Variants in PTPRD observed in about 807,000 individuals in gnomAD.
PTPRD encodes protein tyrosine phosphatase receptor type D.
In PTPRD, 34 loss-of-function variants were observed where a neutral mutation model predicts 214.5. The observed-to-expected ratio is 0.16, with a 90% CI of 0.12 to 0.21. The LOEUF is 0.21. Ranked by LOEUF, PTPRD falls within the 10% of genes least tolerant of loss-of-function variation. The probability of loss-of-function intolerance (pLI) is 1.00; values close to 1 mark genes in which losing one functional copy is unlikely to be tolerated. For missense variants in PTPRD, 2,545 were observed against 2,398.7 expected (o/e 1.06, Z -1.27); for synonymous variants, 1,128 against 845.7 (o/e 1.33, Z -5.79).
At chr9:9,866,459 A>C (rs530404058) in intron 5 of PTPRD, among the ~76,000 whole-genome samples, 2 of 152,106 alleles carry the variant, frequency 1.3e-5, no homozygotes, top group East Asian at 3.9e-4. Flanking sequence ...TCTTAAGCAA[A>C]GGTTCTAGAT....
intron 3 of PTPRD, among the ~76,000 whole-genome samples, chr9:10,250,994 G>A (rs1006493084): frequency 1.3e-5 from 2 of 151,964 alleles, no homozygotes; most frequent in Non-Finnish European, 2.9e-5. Flanking sequence ...TGTCAGAAAT[G>A]TAATTGTTTA....
chr9:9,703,796 T>A (rs1281709405), intron 7 of PTPRD, among the ~76,000 whole-genome samples: 2 of 152,168 alleles, frequency 1.3e-5, no homozygotes, highest in African/African-American at 2.4e-5. Context: ...TGAAGTTAGT[T>A]AGAATAAAAA....
At chr9:9,751,072 T>C (rs2098513605) in intron 6 of PTPRD, among the ~76,000 whole-genome samples, 1 of 152,120 alleles carries the variant, frequency 6.6e-6, no homozygotes, top group African/African-American at 2.4e-5. Flanking sequence ...AGCAGACAGG[T>C]TCTTGAATGA....
intron 9 of PTPRD, among the ~76,000 whole-genome samples, chr9:9,343,272 T>C (rs1419039155): frequency 5.9e-5 from 9 of 152,140 alleles, no homozygotes. Context: ...GGTCAAATGG[T>C]ATTTCTGGGT....
intron 13 of PTPRD, among the ~76,000 whole-genome samples, chr9:8,633,758 T>C (rs1334287923): frequency 6.6e-6 from 1 of 152,138 alleles, no homozygotes; most frequent in Non-Finnish European, 1.5e-5. Context: ...AATTTGACTC[T>C]ATTAATTTTG....
chr9:8,947,614 T>A (rs895306213), intron 11 of PTPRD, among the ~76,000 whole-genome samples: 1 of 152,240 alleles, frequency 6.6e-6, no homozygotes, highest in African/African-American at 2.4e-5. Flanking sequence ...AGGAAATAAA[T>A]TCTTCTTAGG....
chr9:9,678,371 A>G (rs1021958891), intron 7 of PTPRD, among the ~76,000 whole-genome samples: 6 of 152,176 alleles, frequency 3.9e-5, no homozygotes, highest in Admixed American at 3.3e-4. Flanking sequence ...CAAAACAGAG[A>G]TATAGACCAA....
chr9:8,653,893 C>T (rs903296256), intron 12 of PTPRD, among the ~76,000 whole-genome samples: 4 of 152,194 alleles, frequency 2.6e-5, no homozygotes, highest in African/African-American at 9.6e-5. Context: ...CTTCGCCATG[C>T]CCTAGGAACC....
At chr9:9,053,854 T>A (rs1250430015) in intron 10 of PTPRD, among the ~76,000 whole-genome samples, 1 of 152,184 alleles carries the variant, frequency 6.6e-6, no homozygotes, top group Non-Finnish European at 1.5e-5. Context: ...TGGTACAATC[T>A]TTTGTTATGG....
chr9:10,416,984 A>T (rs12003710), intron 2 of PTPRD, among the ~76,000 whole-genome samples: 3,256 of 152,006 alleles, frequency 0.021, 123 homozygotes, highest in African/African-American at 0.074. Context: ...TAGGTTCTAA[A>T]CAACTTTTAT....
At chr9:10,324,725 C>T (rs980028829) in intron 3 of PTPRD, among the ~76,000 whole-genome samples, 1 of 151,994 alleles carries the variant, frequency 6.6e-6, no homozygotes, top group African/African-American at 2.4e-5. Context: ...AACACTCAGT[C>T]TTTTTGTATA....
intron 11 of PTPRD, among the ~76,000 whole-genome samples, chr9:9,001,145 C>A (rs893518304): frequency 6.6e-6 from 1 of 151,928 alleles, no homozygotes; most frequent in Non-Finnish European, 1.5e-5. Context: ...TTGATTCATG[C>A]ATCCATTTAT....
At chr9:9,177,695 C>G (rs1029371203) in intron 10 of PTPRD, among the ~76,000 whole-genome samples, 3 of 152,014 alleles carry the variant, frequency 2.0e-5, no homozygotes, top group Non-Finnish European at 2.9e-5. Flanking sequence ...TTAATCCTAT[C>G]AATCTTGACT....
intron 32 of PTPRD, among the ~76,000 whole-genome samples, chr9:8,462,405 A>G (rs977652451): frequency 3.3e-5 from 5 of 151,938 alleles, no homozygotes; most frequent in African/African-American, 1.2e-4. Context: ...TTCCTCTCAT[A>G]GTCTCCACTG....
chr9:9,132,038 G>C (rs557060228), intron 10 of PTPRD, among the ~76,000 whole-genome samples: 1 of 150,590 alleles, frequency 6.6e-6, no homozygotes, highest in East Asian at 1.9e-4. Flanking sequence ...GACGGAGTCT[G>C]TCTCTGTTGC....
chr9:9,226,695 C>T (rs1023050310), intron 9 of PTPRD, among the ~76,000 whole-genome samples: 2 of 151,998 alleles, frequency 1.3e-5, no homozygotes, highest in Admixed American at 6.6e-5. Flanking sequence ...GAGATAAGTA[C>T]TTTGACTATC....
chr9:10,240,583 T>G (rs1430069022), intron 3 of PTPRD, among the ~76,000 whole-genome samples: 3 of 151,946 alleles, frequency 2.0e-5, no homozygotes, highest in Non-Finnish European at 4.4e-5. Context: ...AACATAGATA[T>G]AAACTTAGTA....
intron 9 of PTPRD, among the ~76,000 whole-genome samples, chr9:9,306,776 A>T (rs1329434242): frequency 6.6e-6 from 1 of 152,070 alleles, no homozygotes; most frequent in Non-Finnish European, 1.5e-5. Flanking sequence ...CAAATTTCTA[A>T]CTTTGTTAGC....
At chr9:9,155,183 C>A (rs925485188) in intron 10 of PTPRD, among the ~76,000 whole-genome samples, 1 of 152,090 alleles carries the variant, frequency 6.6e-6, no homozygotes, top group East Asian at 1.9e-4. Context: ...TCTTTTGATT[C>A]TAGAAGTGGG....
Sources: allele counts gnomAD v4.1 joint callset (sites outside exome capture counted in the v4.1 genomes callset), GRCh38; gene constraint gnomAD v4.1.1; transcripts MANE v1.5; gene names NCBI Gene and HGNC (gene_info 2026-07-23, HGNC 2026-07-21).